Variants in CPLANE1 observed in about 807,000 individuals in gnomAD.
CPLANE1 encodes the protein ciliogenesis and planar polarity effector 1.
In CPLANE1, 263 loss-of-function variants were observed where a neutral mutation model predicts 362.5. The ratio of observed to expected loss-of-function variants is 0.73; its 90% CI spans 0.66 to 0.80. CPLANE1 has a LOEUF of 0.80. Ranked by LOEUF, CPLANE1 falls within the 30% of genes least tolerant of loss-of-function variation. The pLI is 0.00. For synonymous variants in CPLANE1, 1,212 were observed against 1,302.6 expected, an observed-to-expected ratio of 0.93 and a Z score of 1.50; for missense variants, 3,461 against 3,793.4, an observed-to-expected ratio of 0.91 and a Z score of 2.30.
At position 37,108,296 on chromosome 5, in the gene CPLANE1, T is replaced by C. The variant is rs1758120473; in HGVS notation, c.9576A>G (p.Leu3192=). Residue 3192 remains leucine (L), a synonymous_variant, in exon 52 of 53, where the codon CTA becomes CTG. Coordinates refer to ENST00000651892, the MANE Select transcript of CPLANE1 (RefSeq NM_001384732.1). ...CAAAATCTAGAACAATGCTTACTTG[T>C]AGAAGGGAATTGTGACTCTCATGAA... is the stretch of plus-strand genomic sequence containing the variant. The part of the protein sequence containing the change: ...KILHESHNSL[L]QDLSPTEEEE... The C allele has an allele frequency of 6.2e-7, 1 of 1,613,396 alleles. No homozygotes were observed. The highest frequency in any genetic ancestry group is 8.5e-7 in the Non-Finnish European group (1 of 1,179,476).
intron 42 of CPLANE1, among the ~76,000 whole-genome samples, chr5:37,150,298 A>G (rs1027079272): frequency 1.5e-4 from 23 of 152,232 alleles, no homozygotes; most frequent in African/African-American, 5.5e-4. Flanking sequence ...TGTTTCCACA[A>G]GATTCTTTAC....
intron 50 of CPLANE1, among the ~76,000 whole-genome samples, chr5:37,116,485 C>CAAAAAA (rs70976277): frequency 3.9e-4 from 10 of 25,952 alleles, no homozygotes; most frequent in African/African-American, 1.0e-3. Context: ...GACTCTGCCT[C>CAAAAAA]AAAAAAAAAA....
chr5:37,208,676 C>T lies in CPLANE1; in HGVS notation c.2921-2251G>A, dbSNP rs1448750467. Among the ~76,000 whole-genome samples the T allele has an allele frequency of 7.2e-5, 6 of 83,830 alleles. No homozygotes were observed. The South Asian group carries it at 2.5e-3, about 35-fold the overall frequency. The allele number at this position is 83,830 out of a possible 152,430, so 55.0% of individuals were successfully genotyped here. A position where few individuals can be genotyped will look rare whatever the true frequency, so the allele number is the denominator to read the frequency against. On this transcript the variant is annotated intron_variant, in intron 16 of 52. Coordinates refer to ENST00000651892, the MANE Select transcript of CPLANE1 (RefSeq NM_001384732.1). ...TGGGCGATAGAGCAAGACTCTGTCT[C>T]CCCCCCCCCCCAAAAAAAAAAAAGA...
At chr5:37,112,924 T>C (rs1759768334) in intron 51 of CPLANE1, among the ~76,000 whole-genome samples, 1 of 152,220 alleles carries the variant, frequency 6.6e-6, no homozygotes, top group South Asian at 2.1e-4. Context: ...CTCCGGGACT[T>C]TCAAAAACAA....
intron 4 of CPLANE1, 42 bp from the exon 5 acceptor site, chr5:37,244,649 G>T: frequency 2.7e-6 from 3 of 1,094,120 alleles, no homozygotes; most frequent in Non-Finnish European, 3.9e-6. Context: ...TCTGAAGTCT[G>T]AATTCCCCCC....
chr5:37,210,208 T>A, intron 16 of CPLANE1: 1 of 1,563,548 alleles, frequency 6.4e-7, no homozygotes, highest in Non-Finnish European at 8.8e-7. Context: ...ACAAAAGAGA[T>A]TTATGCTCAA....
At chr5:37,208,473 C>T (rs546161075) in intron 16 of CPLANE1, among the ~76,000 whole-genome samples, 10 of 152,278 alleles carry the variant, frequency 6.6e-5, no homozygotes, top group Admixed American at 4.6e-4. Flanking sequence ...GTCAGGAGAT[C>T]GAGACCATCC....
At chr5:37,212,209 G>A (rs892708558) in intron 16 of CPLANE1, 3 of 1,423,956 alleles carry the variant, frequency 2.1e-6, no homozygotes, top group Non-Finnish European at 3.0e-6. Context: ...TCTGCTCACA[G>A]TGAAAATCCT....
At chr5:37,150,180 A>G (rs1580190359) in intron 42 of CPLANE1, among the ~76,000 whole-genome samples, 1 of 152,284 alleles carries the variant, frequency 6.6e-6, no homozygotes, top group South Asian at 2.1e-4. Flanking sequence ...GGACTCAGAC[A>G]TGTGGAAACT....
At chr5:37,129,075 CAGAAT>C (rs1765053584) in intron 46 of CPLANE1, among the ~76,000 whole-genome samples, 2 of 152,124 alleles carry the variant, frequency 1.3e-5, no homozygotes, top group East Asian at 3.9e-4. Context: ...ACCAATGGAA[CAGAAT>C]AGAGAACCCA....
rs1270049075 is a variant in CPLANE1, at chr5:37,243,076, C to A, written c.614G>T (p.Gly205Val). 1.6e-5 allele frequency: 25 copies of A among 1,547,184 alleles called. No homozygotes were observed. The highest frequency in any genetic ancestry group is 2.2e-5 in the Non-Finnish European group (25 of 1,144,942). Residue 205 changes from glycine (G) to valine (V), a missense_variant, in exon 6 of 53, where the codon GGG becomes GTG. Physicochemically the swap from Gly to Val is moderately radical, Grantham distance 109. Around this residue, in one of 2 missense-constraint regions of CPLANE1, gnomAD observed 3,380 missense variants for 3,666.1 expected, o/e 0.92. Coordinates refer to ENST00000651892, the MANE Select transcript of CPLANE1 (RefSeq NM_001384732.1). ...CCLCSFTFYSGECLKLTFLAI... is the reference protein window; with the variant it reads ...CCLCSFTFYSVECLKLTFLAI... ...TAGAAATGTTAACTTCAGGCATTCC[C>A]CAGAATAAAAAGTAAATGAACACAG...
intron 27 of CPLANE1, 103 bp from the exon 28 acceptor site, chr5:37,180,286 C>G (rs1239597205): frequency 1.5e-6 from 1 of 670,846 alleles, no homozygotes; most frequent in Non-Finnish European, 2.2e-6. Flanking sequence ...TGGAGTCTCG[C>G]CCAGGCTGGA....
chr5:37,153,827 G>C lies in CPLANE1; in HGVS notation c.8286C>G (p.Asp2762Glu), dbSNP rs114126795. 1.2e-6 allele frequency: 2 copies of C among 1,613,944 alleles called. No homozygotes were observed. The highest frequency in any genetic ancestry group is 1.7e-6 in the Non-Finnish European group (2 of 1,180,018). Residue 2762 changes from aspartate (D) to glutamate (E), a missense_variant, in exon 42 of 53, where the codon GAC becomes GAG. Around this residue, in one of 2 missense-constraint regions of CPLANE1, gnomAD observed 3,380 missense variants for 3,666.1 expected, o/e 0.92. Coordinates refer to ENST00000651892, the MANE Select transcript of CPLANE1 (RefSeq NM_001384732.1). ...TGTTCTGTATTGCTAGCAACTGCTC[G>C]TCAATTTTCTGAAGCTTAGCACTGA... is the stretch of plus-strand genomic sequence containing the variant. The part of the protein sequence containing the change: ...EHLSAKLQKI[D>E]EQLLAIQNIA...
chr5:37,213,624 TTG>T lies in CPLANE1; in HGVS notation c.2853_2854del (p.Asn952SerfsTer20), dbSNP rs1561625940. The T allele has an allele frequency of 6.5e-7, 1 of 1,548,294 alleles. No individual in the cohort carries two copies. The highest frequency in any genetic ancestry group is 8.7e-7 in the Non-Finnish European group (1 of 1,144,924). ...AGGGGGCAAAATGCAAAGCTGCTGA[TTG>T]GTGAAATAGGCAGCCATGAAACGAG... On this transcript the variant is annotated frameshift_variant, in exon 16 of 53. Coordinates refer to ENST00000651892, the MANE Select transcript of CPLANE1 (RefSeq NM_001384732.1). LOFTEE classifies it high-confidence loss of function.
At chr5:37,114,387 C>T (rs937377213) in intron 51 of CPLANE1, among the ~76,000 whole-genome samples, 4 of 152,122 alleles carry the variant, frequency 2.6e-5, no homozygotes, top group African/African-American at 7.2e-5. Context: ...CTACCAAGGT[C>T]GTTACATATA....
intron 51 of CPLANE1, among the ~76,000 whole-genome samples, chr5:37,114,136 T>C (rs534515601): frequency 3.7e-4 from 56 of 152,268 alleles, no homozygotes; most frequent in African/African-American, 1.3e-3. Flanking sequence ...TAAAAAATCA[T>C]TATCCCTACC....
Position 37,177,672 on chromosome 5 carries a change from C to G in CPLANE1, c.5849G>C (p.Arg1950Thr). The change falls in exon 30 of 53, where the codon AGG (arginine) becomes ACG (threonine). Residue 1950 changes from arginine (R) to threonine (T), a missense_variant. Transcript: ENST00000651892. ...CATAATTGTCTCCAGTGGTTCTTCC[C>G]TTTGACACTGAACCTCTTCTGTGAA... ...EEFTEEVQCQ[R>T]EEPLETIMEE... The G allele has an allele frequency of 1.9e-6, 3 of 1,613,790 alleles. No individual in the cohort carries two copies. Among genetic ancestry groups the G allele is most frequent in the Non-Finnish European group, 2.5e-6 (3 of 1,179,840 alleles).
chr5:37,078,539 G>T, the CPLANE1 span, among the ~76,000 whole-genome samples: 4 of 152,116 alleles, frequency 2.6e-5, no homozygotes, highest in African/African-American at 9.7e-5. Context: ...ATAATAGAAT[G>T]ATTTATATTC....
chr5:37,175,048 C>T (rs1191824968), intron 31 of CPLANE1, among the ~76,000 whole-genome samples: 3 of 152,124 alleles, frequency 2.0e-5, no homozygotes, highest in Non-Finnish European at 4.4e-5. Context: ...CACCCTCTGG[C>T]GACTGGGTTC....
Sources: gnomAD v4.1 joint callset for allele counts (sites outside exome capture counted in the v4.1 genomes callset) on GRCh38, gnomAD v4.1.1 for gene constraint, gnomAD v4.1.1 regional missense constraint, MANE v1.5 for transcripts, NCBI Gene and HGNC (gene_info 2026-07-23, HGNC 2026-07-21) for gene names.